ATAD2B: variants seen among roughly 807,000 people sequenced by gnomAD.
ATAD2B encodes the protein ATPase family AAA domain containing 2B.
ATAD2B carries 40 observed loss-of-function variants against 167.6 expected under a neutral mutation model. The observed-to-expected ratio is 0.24, with a 90% CI of 0.19 to 0.31. The LOEUF (loss-of-function observed/expected upper bound fraction) is 0.31. Among genes scored for constraint, ATAD2B ranks in the 10% least tolerant of loss-of-function variants. ATAD2B has a pLI of 1.00. For missense variants in ATAD2B, 1,242 were observed against 1,757.2 expected (o/e 0.71, Z 5.24); for synonymous variants, 579 against 596.5 (o/e 0.97, Z 0.43).
chr2:23,706,455 ACT>A, the ATAD2B span: 1 of 1,446,190 alleles, frequency 6.9e-7, no homozygotes, highest in Non-Finnish European at 9.1e-7. Flanking sequence ...GAAATGCCTA[ACT>A]CTGTCCCCGC....
chr2:23,810,320 G>A lies in ATAD2B; in HGVS notation c.2450C>T (p.Ala817Val). 2 of 1,613,022 alleles carry A rather than the reference G, an allele frequency of 1.2e-6. No homozygotes were observed. Among genetic ancestry groups the A allele is most frequent in the Non-Finnish European group, 1.7e-6 (2 of 1,179,130 alleles). The change falls in exon 18 of 28, where the codon GCA (alanine) becomes GTA (valine). Residue 817 changes from alanine to valine, a missense_variant. Transcript: ENST00000238789. ...TCTGATGTGGTACAAACCTACCTGT[G>A]CACATGATTCCTCAGGTGTTTTGGC... ...VSAKTPEESCAQIFREARRTV... is the reference protein window; with the variant it reads ...VSAKTPEESCVQIFREARRTV...
chr2:23,897,246 G>A (rs1031184958), intron 1 of ATAD2B, among the ~76,000 whole-genome samples: 1 of 152,220 alleles, frequency 6.6e-6, no homozygotes, highest in Admixed American at 6.5e-5. Flanking sequence ...AAATGATGCT[G>A]TGCATACTAT....
At chr2:23,910,882 G>A (rs1194935082) in intron 1 of ATAD2B, among the ~76,000 whole-genome samples, 1 of 148,892 alleles carries the variant, frequency 6.7e-6, no homozygotes, top group Non-Finnish European at 1.5e-5. Context: ...AAATATATAG[G>A]GTAAGAAGAG....
chr2:23,887,819 T>C lies in ATAD2B; in HGVS notation c.572+13A>G. 1 of 1,568,796 alleles carries C rather than the reference T, an allele frequency of 6.4e-7. No homozygotes were observed. Among genetic ancestry groups the C allele is most frequent in the Non-Finnish European group, 8.6e-7 (1 of 1,162,696 alleles). ...ATAATTAAATGAAACTGCTTAATAC[T>C]TGGCATTCATACCTATTTACTAGTT... On this transcript the variant is annotated intron_variant, in intron 4 of 27. Transcript: ENST00000238789.
the ATAD2B span, among the ~76,000 whole-genome samples, chr2:23,719,716 C>A: frequency 6.6e-6 from 1 of 152,132 alleles, no homozygotes; most frequent in African/African-American, 2.4e-5. Context: ...GGTGGACAAC[C>A]AGCTTCCCCA....
At chr2:23,708,192 G>A in the ATAD2B span, 3 of 152,192 alleles carry the variant, frequency 2.0e-5, no homozygotes, top group Non-Finnish European at 2.9e-5. Flanking sequence ...CTAGCACTAC[G>A]AGTGTGGCTC....
At chr2:23,747,474 T>C (rs188839751), downstream of ATAD2B, among the ~76,000 whole-genome samples, 9 of 152,122 alleles carry the variant, frequency 5.9e-5, no homozygotes, top group Admixed American at 2.6e-4. Context: ...TTTGGTAAAG[T>C]GGGGATCGAC....
chr2:23,760,713 C>CACACACACATAT (rs1676586265), intron 24 of ATAD2B, among the ~76,000 whole-genome samples: 1 of 141,356 alleles, frequency 7.1e-6, no homozygotes, highest in African/African-American at 2.6e-5. Flanking sequence ...CACACACACA[C>CACACACACATAT]ACACACACAC....
At chr2:23,688,078 G>A in the ATAD2B span, among the ~76,000 whole-genome samples, 10 of 152,152 alleles carry the variant, frequency 6.6e-5, no homozygotes, top group Non-Finnish European at 1.0e-4. Context: ...GCAGCACCTC[G>A]GTAGAGTGGA....
intron 18 of ATAD2B, among the ~76,000 whole-genome samples, chr2:23,801,729 TA>T (rs909389775): frequency 2.0e-4 from 30 of 151,362 alleles, no homozygotes; most frequent in East Asian, 5.8e-4. Context: ...CTTTCTTTAT[TA>T]AAAAAAAATC....
intron 1 of ATAD2B, among the ~76,000 whole-genome samples, chr2:23,899,166 G>A (rs1445722050): frequency 6.6e-6 from 1 of 152,002 alleles, no homozygotes; most frequent in African/African-American, 2.4e-5. Context: ...ATAATAATTA[G>A]TTGGGCATAG....
rs1463354636 is a variant in ATAD2B, at chr2:23,796,833, T to C, written c.2640+1305A>G. Reference sequence around the variant, plus strand: ...ACACCAATGACCCTGTCTGTTATTATCCACATGTTATAGATGAAAATGAAG... The same window carrying C: ...ACACCAATGACCCTGTCTGTTATTACCCACATGTTATAGATGAAAATGAAG... On this transcript the variant is annotated intron_variant, in intron 19 of 27. Coordinates refer to ENST00000238789, the MANE Select transcript of ATAD2B (RefSeq NM_017552.4). 5.3e-5 allele frequency among the ~76,000 whole-genome samples: 8 copies of C among 152,152 alleles called. No homozygotes were observed. In the South Asian group the frequency reaches 1.4e-3, roughly 28 times the overall value.
chr2:23,899,876 A>C (rs1425068202), intron 1 of ATAD2B, among the ~76,000 whole-genome samples: 1 of 145,696 alleles, frequency 6.9e-6, no homozygotes, highest in Non-Finnish European at 1.5e-5. Flanking sequence ...AGTGTGAGCC[A>C]CCGCGCCCAG....
chr2:23,849,963 A>C (rs1692298488), intron 13 of ATAD2B, among the ~76,000 whole-genome samples: 1 of 152,032 alleles, frequency 6.6e-6, no homozygotes, highest in African/African-American at 2.4e-5. Flanking sequence ...AGAATGCAAT[A>C]AATTTAAAAA....
intron 1 of ATAD2B, among the ~76,000 whole-genome samples, chr2:23,905,144 A>T (rs1231580622): frequency 6.6e-6 from 1 of 152,202 alleles, no homozygotes; most frequent in Non-Finnish European, 1.5e-5. Flanking sequence ...TCTTCCACAT[A>T]AAAATTTCTA....
chr2:23,739,549 C>A, the ATAD2B span, among the ~76,000 whole-genome samples: 1 of 151,880 alleles, frequency 6.6e-6, no homozygotes, highest in Non-Finnish European at 1.5e-5. Context: ...ACATTCAAAG[C>A]AGTGTGTAGA....
At chr2:23,829,016 T>C in intron 14 of ATAD2B, 77 bp from the exon 15 acceptor site, 1 of 949,456 alleles carries the variant, frequency 1.1e-6, no homozygotes, top group Non-Finnish European at 1.6e-6. Flanking sequence ...ATCCCTCAAA[T>C]ACGTTAGGTG....
chr2:23,781,694 A>G (rs1238235437), intron 22 of ATAD2B, among the ~76,000 whole-genome samples: 2 of 151,894 alleles, frequency 1.3e-5, no homozygotes, highest in Non-Finnish European at 2.9e-5. Flanking sequence ...ATAATAGCCA[A>G]TGACCAAACA....
intron 12 of ATAD2B, among the ~76,000 whole-genome samples, chr2:23,862,487 T>C (rs990075536): frequency 6.9e-6 from 1 of 144,140 alleles, no homozygotes; most frequent in Non-Finnish European, 1.5e-5. Context: ...AATCGCTCAC[T>C]GCAGCCTTGA....
Sources: gnomAD v4.1 joint callset for allele counts (sites outside exome capture counted in the v4.1 genomes callset) on GRCh38, gnomAD v4.1.1 for gene constraint, MANE v1.5 for transcripts, NCBI Gene and HGNC (gene_info 2026-07-23, HGNC 2026-07-21) for gene names.